Variants in RS1 observed in about 807,000 individuals in gnomAD.
RS1 encodes retinoschisin 1.
RS1 carries 2 observed loss-of-function variants against 20.8 expected under a neutral mutation model. The ratio of observed to expected loss-of-function variants is 0.10; its 90% CI spans 0.04 to 0.30. The LOEUF (loss-of-function observed/expected upper bound fraction) is 0.30. Among genes scored for constraint, RS1 ranks in the 10% least tolerant of loss-of-function variants. The pLI, the probability that RS1 is intolerant of heterozygous loss-of-function variation, is 1.00. For missense variants in RS1, 151 were observed against 189.8 expected, an observed-to-expected ratio of 0.80 and a Z score of 1.20; for synonymous variants, 70 against 75.8, an observed-to-expected ratio of 0.92 and a Z score of 0.40.
At chrX:18,653,542 T>C in intron 3 of RS1, 2 of 1,211,600 alleles carry the variant, frequency 1.7e-6, no homozygotes, top group Non-Finnish European at 2.2e-6. Context: ...GACGGGCAAG[T>C]GACTTCTGCA....
intron 2 of RS1, among the ~76,000 whole-genome samples, chrX:18,657,131 G>A (rs1329295295): frequency 9.6e-6 from 1 of 104,656 alleles, no homozygotes; most frequent in Non-Finnish European, 1.9e-5. Flanking sequence ...TTGAAGACCT[G>A]TTTTACTTGC....
chrX:18,657,217 C>CTTTTTTTTTTTTTT lies in RS1; in HGVS notation c.78+409_78+422dup, dbSNP rs749358875. Among the ~76,000 whole-genome samples, 14 of 65,146 alleles carry CTTTTTTTTTTTTTT rather than the reference C, an allele frequency of 2.1e-4. 1 individual carries two copies. The highest frequency in any genetic ancestry group is 2.7e-4 in the Non-Finnish European group (10 of 36,808). The allele number at this position is 65,146 out of a possible 115,157, so 56.6% of individuals were successfully genotyped here. ...ACAGTCACCATCACCAAAAAAAATA[C>CTTTTTTTTTTTTTT]TTTTTTTTTTTTTTTTTTTTTGAGA... On this transcript the variant is annotated intron_variant, in intron 2 of 5. Coordinates refer to ENST00000379984, the MANE Select transcript of RS1 (RefSeq NM_000330.4).
chrX:18,648,073 A>G (rs900567904), intron 3 of RS1, among the ~76,000 whole-genome samples: 6 of 110,844 alleles, frequency 5.4e-5, no homozygotes, highest in African/African-American at 2.0e-4. Flanking sequence ...ACGGTGACTC[A>G]TGCCTGTAAT....
intron 3 of RS1, chrX:18,653,540 A>T: frequency 8.3e-7 from 1 of 1,211,803 alleles, no homozygotes; most frequent in Non-Finnish European, 1.1e-6. Flanking sequence ...CTGACGGGCA[A>T]GTGACTTCTG....
intron 1 of RS1, among the ~76,000 whole-genome samples, chrX:18,664,393 C>T (rs55816501): frequency 1.8e-5 from 2 of 112,120 alleles, no homozygotes; most frequent in Non-Finnish European, 3.8e-5. Context: ...TTTGGGAGGC[C>T]GAGGCAGGCA....
Position 18,656,639 on chromosome X carries a change from CAG to C in RS1, c.184+12_184+13del, listed in dbSNP as rs1173128023. 2 of 1,160,371 alleles carry C rather than the reference CAG, an allele frequency of 1.7e-6. No individual in the cohort carries two copies. Among genetic ancestry groups the C allele is most frequent in the Non-Finnish European group, 2.4e-6 (2 of 850,136 alleles). On this transcript the variant is annotated intron_variant, in intron 3 of 5. Transcript: ENST00000379984. ...CCCAATGACTGTTCCATCCCAAGGA[CAG>C]GGGATACTCACCTGGTATACAGTCC...
chrX:18,663,208 T>G (rs976052744), intron 1 of RS1, among the ~76,000 whole-genome samples: 1 of 109,574 alleles, frequency 9.1e-6, no homozygotes, highest in Non-Finnish European at 1.9e-5. Context: ...CTGGCTAATT[T>G]TGTATTTTTA....
chrX:18,648,943 G>A (rs981329006), intron 3 of RS1, among the ~76,000 whole-genome samples: 85 of 108,550 alleles, frequency 7.8e-4, no homozygotes, highest in African/African-American at 2.7e-3. Flanking sequence ...AGCTACCGGG[G>A]AGGCTGAGGG....
intron 4 of RS1, 93 bp from the exon 5 acceptor site, chrX:18,644,718 C>A: frequency 1.1e-6 from 1 of 926,363 alleles, no homozygotes; most frequent in Non-Finnish European, 1.5e-6. Flanking sequence ...TGCCAGCATC[C>A]AAAGAGCCCC....
Position 18,641,703 on chromosome X carries a change from T to C in RS1, c.*301A>G. ...CCCTGAGACTGCACCTTTCACAGTA[T>C]CACTGAGACAAAAAATGAGCAGAAA... On this transcript the variant is annotated 3_prime_UTR_variant, in exon 6 of 6. Coordinates refer to ENST00000379984, the MANE Select transcript of RS1 (RefSeq NM_000330.4). The C allele has an allele frequency of 3.0e-6, 1 of 331,530 alleles. No individual in the cohort carries two copies. The highest frequency in any genetic ancestry group is 5.4e-6 in the Non-Finnish European group (1 of 186,278). The allele number at this position is 331,530 out of a possible 1,213,427, so 27.3% of individuals were successfully genotyped here.
In RS1 at chrX:18,654,339, G is replaced by A. The variant is rs186884387; in HGVS notation, c.184+2314C>T. ...CCCCCCCATCTAGAGATGGGGTTTC[G>A]TCATGTTGCCCAGGCTGCACATGGC... On this transcript the variant is annotated intron_variant, in intron 3 of 5. Coordinates refer to ENST00000379984, the MANE Select transcript of RS1 (RefSeq NM_000330.4). 3.5e-3 allele frequency among the ~76,000 whole-genome samples: 390 copies of A among 110,437 alleles called. 3 individuals are homozygous for A. The highest frequency in any genetic ancestry group is 0.028 in the Middle Eastern group (6 of 213).
At chrX:18,642,820 G>A (rs770715413) in intron 5 of RS1, among the ~76,000 whole-genome samples, 5 of 110,000 alleles carry the variant, frequency 4.5e-5, no homozygotes, top group East Asian at 2.9e-4. Context: ...CGGGCGGATC[G>A]TTTGAGGTCA....
At chrX:18,645,873 T>C in intron 4 of RS1, 1 of 949,692 alleles carries the variant, frequency 1.1e-6, no homozygotes, top group Non-Finnish European at 1.5e-6. Context: ...TAGTCTCCCT[T>C]GCAACTAGAT....
chrX:18,656,444 T>C (rs1271053965), intron 3 of RS1, among the ~76,000 whole-genome samples: 1 of 112,094 alleles, frequency 8.9e-6, no homozygotes, highest in Non-Finnish European at 1.9e-5. Flanking sequence ...CATTGTGAGA[T>C]TCGAAGCTCA....
At chrX:18,647,932 A>G (rs1927854985) in intron 3 of RS1, among the ~76,000 whole-genome samples, 2 of 111,545 alleles carry the variant, frequency 1.8e-5, no homozygotes, top group African/African-American at 3.3e-5. Flanking sequence ...GGGACTGTTG[A>G]GTGAGAAACA....
At chrX:18,651,893 G>A (rs1222902280) in intron 3 of RS1, among the ~76,000 whole-genome samples, 1 of 110,517 alleles carries the variant, frequency 9.0e-6, no homozygotes, top group East Asian at 2.9e-4. Context: ...GCTCTTTTCA[G>A]GTCCACATGT....
chrX:18,645,134 T>C (rs926089644), intron 4 of RS1, among the ~76,000 whole-genome samples: 1 of 112,610 alleles, frequency 8.9e-6, no homozygotes, highest in African/African-American at 3.2e-5. Context: ...AGATAACCGT[T>C]GAAGCAACTA....
chrX:18,658,262 G>C lies in RS1; in HGVS notation c.53-597C>G, dbSNP rs780403733. ...TAGCAAAGTGGACAGGGCAGGGAGA[G>C]GAAAACACCTGTATTTTTTACCACC... is the stretch of plus-strand genomic sequence containing the variant. On this transcript the variant is annotated intron_variant, in intron 1 of 5. Coordinates refer to ENST00000379984, the MANE Select transcript of RS1 (RefSeq NM_000330.4). 1.2e-4 allele frequency among the ~76,000 whole-genome samples: 13 copies of C among 111,801 alleles called. No individual in the cohort carries two copies. In the East Asian group the frequency reaches 2.8e-3, roughly 24 times the overall value.
chrX:18,665,233 C>T (rs1022368583), intron 1 of RS1, among the ~76,000 whole-genome samples: 7 of 112,249 alleles, frequency 6.2e-5, no homozygotes, highest in Non-Finnish European at 1.1e-4. Flanking sequence ...TCATCCTCCA[C>T]GCTGCTGAGG....
Sources: allele counts gnomAD v4.1 joint callset (sites outside exome capture counted in the v4.1 genomes callset), GRCh38; gene constraint gnomAD v4.1.1; transcripts MANE v1.5; gene names NCBI Gene and HGNC (gene_info 2026-07-23, HGNC 2026-07-21).